SLC35F1: variants seen among roughly 807,000 people sequenced by gnomAD.
SLC35F1 encodes the protein chromosome 6 open reading frame 169.
SLC35F1 carries 14 observed loss-of-function variants against 48.7 expected under a neutral mutation model. The ratio of observed to expected loss-of-function variants is 0.29; its 90% CI spans 0.19 to 0.45. SLC35F1 has a LOEUF of 0.45. SLC35F1 is among the 20% of genes least tolerant of loss of function. The probability of loss-of-function intolerance (pLI) is 1.00; values close to 1 mark genes in which losing one functional copy is unlikely to be tolerated. For missense variants in SLC35F1, 404 were observed against 500.0 expected, an observed-to-expected ratio of 0.81 and a Z score of 1.83; for synonymous variants, 190 against 202.2, an observed-to-expected ratio of 0.94 and a Z score of 0.51.
At chr6:118,255,966 GA>G (rs895463554) in intron 3 of SLC35F1, among the ~76,000 whole-genome samples, 18 of 151,604 alleles carry the variant, frequency 1.2e-4, no homozygotes, top group African/African-American at 4.1e-4. Flanking sequence ...CTCTGAGAAG[GA>G]AAAAAAATCT....
intron 1 of SLC35F1, among the ~76,000 whole-genome samples, chr6:117,980,996 G>A (rs144538971): frequency 6.6e-6 from 1 of 152,338 alleles, no homozygotes; most frequent in East Asian, 1.9e-4. Flanking sequence ...ATACCAGTTA[G>A]TGGTCTATGA....
intron 1 of SLC35F1, among the ~76,000 whole-genome samples, chr6:118,146,846 A>G (rs1239596221): frequency 1.3e-5 from 2 of 152,210 alleles, no homozygotes; most frequent in Non-Finnish European, 2.9e-5. Context: ...CTTGGCTACC[A>G]AAGAGTTTAA....
intron 2 of SLC35F1, 77 bp downstream of exon 2, chr6:118,154,697 T>G: frequency 2.2e-6 from 3 of 1,374,726 alleles, no homozygotes; most frequent in Non-Finnish European, 3.0e-6. Flanking sequence ...AGATAACGTT[T>G]TGTCACTTAA....
chr6:118,013,011 T>C (rs896237790), intron 1 of SLC35F1, among the ~76,000 whole-genome samples: 1 of 152,062 alleles, frequency 6.6e-6, no homozygotes, highest in East Asian at 1.9e-4. Context: ...TATTCCCCCC[T>C]ACCCCCACCA....
At chr6:117,963,831 T>C (rs1303316398) in intron 1 of SLC35F1, among the ~76,000 whole-genome samples, 2 of 54,036 alleles carry the variant, frequency 3.7e-5, no homozygotes, top group Non-Finnish European at 9.0e-5. Flanking sequence ...CTGGGATACA[T>C]GTGCAGGGAT....
chr6:118,158,559 G>A (rs1044225926), intron 2 of SLC35F1, among the ~76,000 whole-genome samples: 6 of 152,186 alleles, frequency 3.9e-5, no homozygotes, highest in South Asian at 2.1e-4. Context: ...TTTTAATCAT[G>A]TATCTTCTAA....
intron 6 of SLC35F1, among the ~76,000 whole-genome samples, chr6:118,282,113 A>T (rs1775991353): frequency 6.6e-6 from 1 of 152,226 alleles, no homozygotes. Flanking sequence ...GCCATTTTGT[A>T]GTTGTCAGTC....
At chr6:118,216,400 C>T (rs1197450418) in intron 2 of SLC35F1, among the ~76,000 whole-genome samples, 1 of 150,536 alleles carries the variant, frequency 6.6e-6, no homozygotes, top group Non-Finnish European at 1.5e-5. Context: ...TTTATAATTT[C>T]TACTACTAAA....
chr6:118,040,857 C>A (rs1772206752), intron 1 of SLC35F1, among the ~76,000 whole-genome samples: 1 of 151,624 alleles, frequency 6.6e-6, no homozygotes, highest in African/African-American at 2.4e-5. Flanking sequence ...ATCTCCCTAA[C>A]CCCCAAACCT....
chr6:118,014,849 T>C (rs1251657615), intron 1 of SLC35F1, among the ~76,000 whole-genome samples: 1 of 152,234 alleles, frequency 6.6e-6, no homozygotes, highest in Non-Finnish European at 1.5e-5. Context: ...ATAGCCATCC[T>C]CTGAGGCTCA....
intron 3 of SLC35F1, among the ~76,000 whole-genome samples, chr6:118,256,436 C>G (rs1430376595): frequency 2.0e-5 from 3 of 152,162 alleles, no homozygotes; most frequent in African/African-American, 2.4e-5. Flanking sequence ...GGTTTAGCCT[C>G]TGACAGCTGG....
chr6:118,245,005 C>A (rs1775489053), intron 3 of SLC35F1, among the ~76,000 whole-genome samples: 1 of 152,178 alleles, frequency 6.6e-6, no homozygotes, highest in African/African-American at 2.4e-5. Context: ...AGGTATGGAA[C>A]ACTAAACACC....
At chr6:117,924,505 CGTATATACATAT>C (rs1776001510) in intron 1 of SLC35F1, among the ~76,000 whole-genome samples, 1 of 17,022 alleles carries the variant, frequency 5.9e-5, no homozygotes, top group Non-Finnish European at 1.7e-4. Flanking sequence ...TATGTATATA[CGTATATACATAT>C]ATATATGTCA....
In SLC35F1 at chr6:117,907,830, G is replaced by A. The variant is rs1261046881; in HGVS notation, c.104G>A (p.Gly35Asp). 6.5e-7 allele frequency: 1 copy of A among 1,540,056 alleles called. No homozygotes were observed. Among genetic ancestry groups the A allele is most frequent in the East Asian group, 2.6e-5 (1 of 37,834 alleles). ...TIENLPAEGSGGGGSLSASSR... is the reference protein window; with the variant it reads ...TIENLPAEGSDGGGSLSASSR... ...GAGAACCTGCCGGCCGAGGGCAGCG[G>A]CGGCGGCGGGAGCCTGTCCGCCTCC... The change falls in exon 1 of 8, where the codon GGC becomes GAC. Residue 35 changes from glycine to aspartate, a missense_variant. This residue lies in a region of SLC35F1 where 98 missense variants were observed against 81.0 expected (regional missense o/e 1.21). Transcript: ENST00000360388.
intron 2 of SLC35F1, among the ~76,000 whole-genome samples, chr6:118,180,969 A>G (rs1367477404): frequency 6.6e-6 from 1 of 152,118 alleles, no homozygotes; most frequent in Non-Finnish European, 1.5e-5. Context: ...AAAGATAAAG[A>G]CTACCCACAA....
chr6:118,260,557 A>G (rs1582757126), intron 3 of SLC35F1, among the ~76,000 whole-genome samples: 1 of 152,138 alleles, frequency 6.6e-6, no homozygotes, highest in African/African-American at 2.4e-5. Context: ...AAGCCTGGCT[A>G]TGCCCATATA....
rs746364767 is a variant in SLC35F1, at chr6:118,031,511, G to A, written c.174-122934G>A. 6.6e-5 allele frequency among the ~76,000 whole-genome samples: 10 copies of A among 152,142 alleles called. No homozygotes were observed. The South Asian group carries it at 8.3e-4, about 13-fold the overall frequency. Reference sequence around the variant, plus strand: ...TAGTTCTAAGGGGTACATGAAGAGCGAGTACTCTAAAATCCTAGTGATGCA... The same window carrying A: ...TAGTTCTAAGGGGTACATGAAGAGCAAGTACTCTAAAATCCTAGTGATGCA... On this transcript the variant is annotated intron_variant, in intron 1 of 7. Coordinates refer to ENST00000360388, the MANE Select transcript of SLC35F1 (RefSeq NM_001029858.4).
Position 118,285,235 on chromosome 6 carries a change from T to C in SLC35F1, c.899T>C (p.Met300Thr), listed in dbSNP as rs1310348816. The stretch of plus-strand genomic sequence containing the variant: ...TGCATGTTTGGTCTCTACAGCTTTA[T>C]GCCAGTCGTCATAAAGAAAACCAGT... ...SACMFGLYSF[M>T]PVVIKKTSAT... is the part of the protein sequence containing the mutation. Residue 300 changes from methionine to threonine, a missense_variant, in exon 7 of 8, where the codon ATG (methionine) becomes ACG (threonine). By Grantham distance (81) the Met-to-Thr change is moderately conservative (BLOSUM62 -1). This residue lies in a region of SLC35F1 where 306 missense variants were observed against 419.1 expected (regional missense o/e 0.73). Coordinates refer to ENST00000360388, the MANE Select transcript of SLC35F1 (RefSeq NM_001029858.4). 9 of 1,614,020 alleles carry C rather than the reference T, an allele frequency of 5.6e-6. No homozygotes were observed. Among genetic ancestry groups the C allele is most frequent in the African/African-American group, 1.3e-5 (1 of 75,028 alleles).
chr6:117,999,257 C>T (rs368628703), intron 1 of SLC35F1: 94 of 1,595,572 alleles, frequency 5.9e-5, no homozygotes, highest in African/African-American at 3.6e-4. Context: ...CAAGCTCGAT[C>T]GACATGCCTA....
Sources: gnomAD v4.1 joint callset for allele counts (sites outside exome capture counted in the v4.1 genomes callset) on GRCh38, gnomAD v4.1.1 for gene constraint, gnomAD v4.1.1 regional missense constraint, MANE v1.5 for transcripts, NCBI Gene and HGNC (gene_info 2026-07-23, HGNC 2026-07-21) for gene names.